BRINP3: variants seen among roughly 807,000 people sequenced by gnomAD.
BRINP3 encodes BMP/retinoic acid inducible neural specific 3, also known as BMP/retinoic acid-inducible neural-specific protein 3.
BRINP3 carries 19 observed loss-of-function variants against 71.0 expected under a neutral mutation model. The observed-to-expected ratio is 0.27, with a 90% CI of 0.19 to 0.39. The LOEUF (loss-of-function observed/expected upper bound fraction) is 0.39. Among genes scored for constraint, BRINP3 ranks in the 10% least tolerant of loss-of-function variants. The pLI, the probability that BRINP3 is intolerant of heterozygous loss-of-function variation, is 1.00. For synonymous variants in BRINP3, 380 were observed against 337.7 expected (o/e 1.13, Z -1.37); for missense variants, 959 against 940.8 (o/e 1.02, Z -0.25).
intron 6 of BRINP3, among the ~76,000 whole-genome samples, chr1:190,209,602 A>G (rs922060198): frequency 6.6e-6 from 1 of 152,168 alleles, no homozygotes; most frequent in African/African-American, 2.4e-5. Context: ...ACAACTTTGT[A>G]TTATGTATCA....
intron 6 of BRINP3, among the ~76,000 whole-genome samples, chr1:190,180,612 T>C (rs1558040511): frequency 6.6e-6 from 1 of 152,074 alleles, no homozygotes; most frequent in Non-Finnish European, 1.5e-5. Context: ...CCTAAGAAGG[T>C]TTGTGATGTT....
chr1:190,142,013 A>G (rs1381096526), intron 7 of BRINP3, among the ~76,000 whole-genome samples: 2 of 152,200 alleles, frequency 1.3e-5, no homozygotes, highest in Non-Finnish European at 2.9e-5. Flanking sequence ...GAAAAAACAT[A>G]TATAAAATAA....
chr1:190,193,514 C>CA (rs1449862686), intron 6 of BRINP3, among the ~76,000 whole-genome samples: 1 of 151,910 alleles, frequency 6.6e-6, no homozygotes, highest in Non-Finnish European at 1.5e-5. Flanking sequence ...TGCCCCTCCC[C>CA]AAAAAATACA....
intron 6 of BRINP3, among the ~76,000 whole-genome samples, chr1:190,182,058 A>T (rs1653079343): frequency 6.6e-6 from 1 of 152,034 alleles, no homozygotes; most frequent in Non-Finnish European, 1.5e-5. Context: ...GATCAAAATT[A>T]TTAAAATTAT....
intron 6 of BRINP3, among the ~76,000 whole-genome samples, chr1:190,163,329 A>G (rs767489071): frequency 6.6e-6 from 1 of 152,120 alleles, no homozygotes; most frequent in Non-Finnish European, 1.5e-5. Flanking sequence ...TTTTGGGGAT[A>G]CATAAATAAG....
chr1:190,284,941 C>A (rs143368750), intron 2 of BRINP3, among the ~76,000 whole-genome samples: 1 of 152,022 alleles, frequency 6.6e-6, no homozygotes, highest in East Asian at 1.9e-4. Flanking sequence ...AAATACTACA[C>A]CATTGTGTAT....
intron 2 of BRINP3, among the ~76,000 whole-genome samples, chr1:190,306,680 C>A (rs1553285419): frequency 6.6e-6 from 1 of 150,998 alleles, no homozygotes; most frequent in Admixed American, 6.6e-5. Flanking sequence ...TTTTTAATTC[C>A]ATGTCCTAGA....
chr1:190,362,361 C>T (rs922261841), intron 2 of BRINP3: 7 of 152,080 alleles, frequency 4.6e-5, no homozygotes, highest in Admixed American at 1.3e-4. Flanking sequence ...AAAGCTTAGC[C>T]GATTTTGGGA....
intron 6 of BRINP3, among the ~76,000 whole-genome samples, chr1:190,209,118 C>T (rs1327408347): frequency 6.6e-6 from 1 of 151,916 alleles, no homozygotes; most frequent in African/African-American, 2.4e-5. Flanking sequence ...TACTGTTTTA[C>T]TGAATAAATA....
At chr1:190,231,532 G>T (rs542769472) in intron 5 of BRINP3, among the ~76,000 whole-genome samples, 3 of 151,634 alleles carry the variant, frequency 2.0e-5, no homozygotes, top group Admixed American at 1.3e-4. Flanking sequence ...CTTAATAAAT[G>T]ACTTTTCATT....
chr1:190,298,095 A>C (rs1333323), intron 2 of BRINP3, among the ~76,000 whole-genome samples: 87,447 of 151,728 alleles, frequency 0.58, 25,416 homozygotes, highest in Admixed American at 0.69. Context: ...TCAGCTTAAT[A>C]TGAGTTGTCA....
intron 2 of BRINP3, among the ~76,000 whole-genome samples, chr1:190,385,235 CTAAT>C (rs1670811342): frequency 6.6e-6 from 1 of 152,090 alleles, no homozygotes; most frequent in African/African-American, 2.4e-5. Context: ...CAAATAGGAT[CTAAT>C]TAAACTAAAG....
intron 2 of BRINP3, among the ~76,000 whole-genome samples, chr1:190,352,962 G>C (rs1339325342): frequency 6.6e-6 from 1 of 150,842 alleles, no homozygotes; most frequent in Non-Finnish European, 1.5e-5. Flanking sequence ...GTAACATACA[G>C]AGCTTCTACC....
chr1:190,438,926 C>T (rs1278149637), intron 2 of BRINP3, among the ~76,000 whole-genome samples: 1 of 151,902 alleles, frequency 6.6e-6, no homozygotes, highest in Non-Finnish European at 1.5e-5. Context: ...TCTCAGACCC[C>T]AGAAAGATAT....
chr1:190,203,451 GTATATATATA>G (rs377117248), intron 6 of BRINP3, among the ~76,000 whole-genome samples: 1 of 146,804 alleles, frequency 6.8e-6, no homozygotes, highest in Non-Finnish European at 1.5e-5. Context: ...ATGTGTGTGT[GTATATATATA>G]TGTGTGTGTG....
intron 6 of BRINP3, among the ~76,000 whole-genome samples, chr1:190,188,398 T>C (rs2102562025): frequency 6.6e-6 from 1 of 152,312 alleles, no homozygotes. Context: ...TCTCCAGTAA[T>C]ACGCTGAATG....
chr1:190,097,859 T>C lies in BRINP3; in HGVS notation c.*159A>G. 1.3e-6 allele frequency: 1 copy of C among 763,460 alleles called. No homozygotes were observed. Among genetic ancestry groups the C allele is most frequent in the Non-Finnish European group, 2.1e-6 (1 of 481,746 alleles). 47.3% of individuals were successfully genotyped at this position (763,460 alleles called of 1,614,324 possible). A position where few individuals can be genotyped will look rare whatever the true frequency, so the allele number is the denominator to read the frequency against. ...AAACTGCTGTATAATATATTCATTG[T>C]CAGCAAGTTCATGTGTGTAAATTGC... is the stretch of plus-strand genomic sequence containing the variant. On this transcript the variant is annotated 3_prime_UTR_variant, in exon 8 of 8. Transcript: ENST00000367462.
chr1:190,381,931 A>C (rs1458941543), intron 2 of BRINP3, among the ~76,000 whole-genome samples: 1 of 152,198 alleles, frequency 6.6e-6, no homozygotes, highest in Admixed American at 6.6e-5. Flanking sequence ...CTCTGGATAA[A>C]GCTTAAGACA....
intron 7 of BRINP3, among the ~76,000 whole-genome samples, chr1:190,109,811 C>T (rs1278920274): frequency 1.3e-5 from 2 of 152,182 alleles, no homozygotes; most frequent in Admixed American, 1.3e-4. Flanking sequence ...AGACTTGCAC[C>T]AGTAGTCCCT....
Sources: gnomAD v4.1 joint callset for allele counts (sites outside exome capture counted in the v4.1 genomes callset) on GRCh38, gnomAD v4.1.1 for gene constraint, MANE v1.5 for transcripts, NCBI Gene and HGNC (gene_info 2026-07-23, HGNC 2026-07-21) for gene names.